Variants in RBL2 observed in about 807,000 individuals in gnomAD.
RBL2 encodes RB transcriptional corepressor like 2.
A neutral mutation model predicts 126.0 loss-of-function variants in RBL2; 56 were observed. The ratio of observed to expected loss-of-function variants is 0.44; its 90% CI spans 0.36 to 0.56. The LOEUF is 0.56. Among genes scored for constraint, RBL2 ranks in the 20% least tolerant of loss-of-function variants. The probability of loss-of-function intolerance (pLI) is 0.00; values close to 1 mark genes in which losing one functional copy is unlikely to be tolerated. For synonymous variants in RBL2, 454 were observed against 478.5 expected, an observed-to-expected ratio of 0.95 and a Z score of 0.67; for missense variants, 1,229 against 1,398.2, an observed-to-expected ratio of 0.88 and a Z score of 1.93.
rs764550431 is a variant in RBL2, at chr16:53,481,632, T to A, written c.3085-39T>A. 2.1e-5 allele frequency: 30 copies of A among 1,449,626 alleles called. 1 individual carries two copies. The South Asian group carries it at 2.3e-4, about 11-fold the overall frequency. 89.8% of individuals were successfully genotyped at this position (1,449,626 alleles called of 1,614,324 possible). ...CATTTTCAGTAAAAATAATTATAAA[T>A]TTTTTTCTTAGAATTACTGATTTTT... is the stretch of plus-strand genomic sequence containing the variant. On this transcript the variant is annotated intron_variant, in intron 20 of 21. Transcript: ENST00000262133.
intron 8 of RBL2, among the ~76,000 whole-genome samples, chr16:53,456,552 G>A (rs888691920): frequency 3.9e-5 from 6 of 152,174 alleles, no homozygotes; most frequent in African/African-American, 1.2e-4. Context: ...CCAGTTGGGT[G>A]AATGATATAA....
At chr16:53,443,835 C>T (rs1323764484) in intron 3 of RBL2, among the ~76,000 whole-genome samples, 1 of 151,842 alleles carries the variant, frequency 6.6e-6, no homozygotes, top group East Asian at 1.9e-4. Context: ...GAATGACAAA[C>T]CAGGAGGAAA....
At chr16:53,479,664 T>C (rs1567745956) in intron 18 of RBL2, 7 of 496,232 alleles carry the variant, frequency 1.4e-5, no homozygotes, top group Non-Finnish European at 1.4e-5. Flanking sequence ...GTGCTGTCAC[T>C]GCAGTGTAGT....
chr16:53,442,908 G>A (rs781078534), intron 3 of RBL2, 50 bp downstream of exon 3: 2 of 1,315,070 alleles, frequency 1.5e-6, no homozygotes, highest in South Asian at 3.1e-5. Flanking sequence ...CTGTGCTGCA[G>A]TGTTGATATT....
chr16:53,459,321 A>G, intron 8 of RBL2, 130 bp from the exon 9 acceptor site: 1 of 702,018 alleles, frequency 1.4e-6, no homozygotes, highest in Non-Finnish European at 2.3e-6. Flanking sequence ...ACTAAAATTT[A>G]TTGATATTGT....
intron 18 of RBL2, chr16:53,479,506 T>C: frequency 2.0e-6 from 1 of 504,930 alleles, no homozygotes; most frequent in East Asian, 3.4e-5. Context: ...CACCTTTCAT[T>C]CTGGTTTAGT....
Position 53,454,792 on chromosome 16 carries a change from A to C in RBL2, c.1129A>C (p.Thr377Pro). The change falls in exon 8 of 22, where the codon ACT becomes CCT. Residue 377 changes from threonine to proline, a missense_variant. By Grantham distance (38) the Thr-to-Pro change is conservative. Transcript: ENST00000262133. ...RCLNAGSGTE[T>P]AERVQMKNIL... Reference sequence around the variant, plus strand: ...TCTGAACGCTGGTTCAGGAACAGAGACTGCTGAAAGGGTGCAGATGAAAAA... The same window carrying C: ...TCTGAACGCTGGTTCAGGAACAGAGCCTGCTGAAAGGGTGCAGATGAAAAA... 1 of 1,613,980 alleles carries C rather than the reference A, an allele frequency of 6.2e-7. No homozygotes were observed. Among genetic ancestry groups the C allele is most frequent in the Non-Finnish European group, 8.5e-7 (1 of 1,179,922 alleles).
intron 1 of RBL2, chr16:53,435,524 C>CGATGAGAAAGATGAGAA: frequency 8.6e-7 from 1 of 1,165,986 alleles, no homozygotes. Context: ...ACAGGGCTTG[C>CGATGAGAAAGATGAGAA]AGATGAGAAA....
In RBL2 at chr16:53,447,096, A is replaced by G; in HGVS notation, c.627A>G (p.Ile209Met). The change falls in exon 4 of 22, where the codon ATA becomes ATG. Residue 209 changes from isoleucine (I) to methionine (M), a missense_variant. Ile to Met is a conservative substitution (Grantham distance 10). This residue lies in a region of RBL2 where 1,070 missense variants were observed against 1,274.3 expected (regional missense o/e 0.84). Transcript: ENST00000262133. Reference sequence around the variant, plus strand: ...TCCATTTTTGTTGGGTGCTTTTTATATATGCAAAAGGTAAGAAAATAGTAA... The same window carrying G: ...TCCATTTTTGTTGGGTGCTTTTTATGTATGCAAAAGGTAAGAAAATAGTAA... ...EIFHFCWVLFIYAKGNFPMIS... is the reference protein window; with the variant it reads ...EIFHFCWVLFMYAKGNFPMIS... 2 of 1,547,198 alleles carry G rather than the reference A, an allele frequency of 1.3e-6. No individual in the cohort carries two copies. Among genetic ancestry groups the G allele is most frequent in the Non-Finnish European group, 1.8e-6 (2 of 1,126,984 alleles).
rs534758254 is a variant in RBL2, at chr16:53,473,134, A to ATGAG, written c.2703+2215_2703+2218dup. The stretch of plus-strand genomic sequence containing the variant: ...CTTATAAGTTTTGAAATTGGGAAAT[A>ATGAG]TGAGTGCTCCTACTTTTTTTTTCTT... On this transcript the variant is annotated intron_variant, in intron 17 of 21. Coordinates refer to ENST00000262133, the MANE Select transcript of RBL2 (RefSeq NM_005611.4). Among the ~76,000 whole-genome samples, 72 of 152,306 alleles carry ATGAG rather than the reference A, an allele frequency of 4.7e-4. 1 individual carries two copies. Among genetic ancestry groups the ATGAG allele is most frequent in the African/African-American group, 1.3e-3 (53 of 41,570 alleles).
In RBL2 at chr16:53,451,826, T is replaced by C. The variant is rs760344148; in HGVS notation, c.761T>C (p.Phe254Ser). The C allele has an allele frequency of 1.2e-6, 2 of 1,613,576 alleles. No homozygotes were observed. Among genetic ancestry groups the C allele is most frequent in the Non-Finnish European group, 1.7e-6 (2 of 1,179,684 alleles). The change falls in exon 5 of 22, where the codon TTT (phenylalanine) becomes TCT (serine). Residue 254 changes from phenylalanine to serine, a missense_variant. This residue lies in a region of RBL2 where 1,070 missense variants were observed against 1,274.3 expected (regional missense o/e 0.84). Coordinates refer to ENST00000262133, the MANE Select transcript of RBL2 (RefSeq NM_005611.4). Reference sequence around the variant, plus strand: ...CGTAAAGAACTTGTGAACCCTAATTTTAAAGGTAGGTTTGTAAATCAAAGA... The same window carrying C: ...CGTAAAGAACTTGTGAACCCTAATTCTAAAGGTAGGTTTGTAAATCAAAGA... ...SNRKELVNPNFKGLSEDFHAK... is the reference protein window; with the variant it reads ...SNRKELVNPNSKGLSEDFHAK...
At chr16:53,468,481 G>A (rs374986508) in intron 14 of RBL2, among the ~76,000 whole-genome samples, 1 of 152,282 alleles carries the variant, frequency 6.6e-6, no homozygotes, top group South Asian at 2.1e-4. Context: ...GTCTTTCTTA[G>A]TCTATTTTTG....
chr16:53,478,032 C>T (rs1010983712), intron 17 of RBL2, among the ~76,000 whole-genome samples: 6 of 152,220 alleles, frequency 3.9e-5, no homozygotes, highest in Non-Finnish European at 8.8e-5. Context: ...ATTTTACCTT[C>T]ATTTCTGAAA....
chr16:53,487,010 G>C (rs1003940322), intron 21 of RBL2, among the ~76,000 whole-genome samples: 1 of 152,290 alleles, frequency 6.6e-6, no homozygotes, highest in East Asian at 1.9e-4. Context: ...CATATATCCT[G>C]AAAACTATAG....
In RBL2 at chr16:53,434,703, C is replaced by G; in HGVS notation, c.147C>G (p.Phe49Leu). 2 of 1,567,448 alleles carry G rather than the reference C, an allele frequency of 1.3e-6. No individual in the cohort carries two copies. Among genetic ancestry groups the G allele is most frequent in the Non-Finnish European group, 1.7e-6 (2 of 1,166,744 alleles). ...CCACCCCTCAGATCCAGCAGCGGTTCGACGAGCTGTGCAGCCGCCTCAACA... is the reference window on the plus strand; with the variant it reads ...CCACCCCTCAGATCCAGCAGCGGTTGGACGAGCTGTGCAGCCGCCTCAACA... The part of the protein sequence containing the change: ...ESPTPQIQQR[F>L]DELCSRLNMD... Residue 49 changes from phenylalanine to leucine, a missense_variant, in exon 1 of 22, where the codon TTC becomes TTG. Physicochemically the swap from Phe to Leu is conservative, Grantham distance 22. Transcript: ENST00000262133.
At chr16:53,440,100 AGCC>A (rs1478283445) in intron 2 of RBL2, among the ~76,000 whole-genome samples, 2 of 152,158 alleles carry the variant, frequency 1.3e-5, no homozygotes, top group African/African-American at 2.4e-5. Context: ...ATTGGAGATC[AGCC>A]TGGCCAATAT....
intron 21 of RBL2, among the ~76,000 whole-genome samples, chr16:53,486,550 A>C (rs1178160994): frequency 1.3e-5 from 2 of 152,208 alleles, no homozygotes; most frequent in Non-Finnish European, 2.9e-5. Context: ...GAAGGTGATA[A>C]ATGATCTTAG....
chr16:53,440,953 C>CTTTTTTTTTTTTTTTTTTTTTT (rs1178378934), intron 2 of RBL2, among the ~76,000 whole-genome samples: 9 of 71,662 alleles, frequency 1.3e-4, no homozygotes, highest in Admixed American at 2.0e-4. Flanking sequence ...TTTTTCAGTT[C>CTTTTTTTTTTTTTTTTTTTTTT]TTTTTTTTTT....
At chr16:53,437,277 C>G (rs2057967800) in intron 1 of RBL2, among the ~76,000 whole-genome samples, 1 of 150,416 alleles carries the variant, frequency 6.6e-6, no homozygotes, top group East Asian at 1.9e-4. Flanking sequence ...AACCATCTCC[C>G]AGAGATATAT....
Sources: allele counts gnomAD v4.1 joint callset (sites outside exome capture counted in the v4.1 genomes callset), GRCh38; gene constraint gnomAD v4.1.1; regional missense constraint gnomAD v4.1.1; transcripts MANE v1.5; gene names NCBI Gene and HGNC (gene_info 2026-07-23, HGNC 2026-07-21).